Variants in LRFN5 observed in about 807,000 individuals in gnomAD.
LRFN5 encodes leucine-rich repeat and fibronectin type-III domain-containing protein 5.
Under a neutral mutation model 45.6 loss-of-function variants are expected in LRFN5, and 24 were observed. The ratio of observed to expected loss-of-function variants is 0.53; its 90% CI spans 0.38 to 0.74. The LOEUF (loss-of-function observed/expected upper bound fraction) is 0.74. LRFN5 is among the 30% of genes least tolerant of loss of function. The pLI, the probability that LRFN5 is intolerant of heterozygous loss-of-function variation, is 0.00. For missense variants in LRFN5, 776 were observed against 861.5 expected, an observed-to-expected ratio of 0.90 and a Z score of 1.24; for synonymous variants, 340 against 313.8, an observed-to-expected ratio of 1.08 and a Z score of -0.88.
At chr14:41,753,265 A>G (rs565434312) in intron 1 of LRFN5, among the ~76,000 whole-genome samples, 87 of 151,464 alleles carry the variant, frequency 5.7e-4, no homozygotes, top group Non-Finnish European at 1.0e-3. Flanking sequence ...TTTTGGTTCC[A>G]TATGAACTTT....
chr14:41,628,439 C>CA (rs1228648180), intron 1 of LRFN5, among the ~76,000 whole-genome samples: 7 of 151,506 alleles, frequency 4.6e-5, no homozygotes, highest in African/African-American at 1.7e-4. Context: ...TTCATGTCTA[C>CA]AAAAAAAATT....
intron 1 of LRFN5, among the ~76,000 whole-genome samples, chr14:41,737,913 G>T (rs995768627): frequency 6.6e-6 from 1 of 152,028 alleles, no homozygotes; most frequent in Non-Finnish European, 1.5e-5. Flanking sequence ...CATGTAAATG[G>T]TCATACCACC....
At position 41,736,969 on chromosome 14, in the gene LRFN5, A is replaced by G. The variant is rs1049635606; in HGVS notation, c.-196-29885A>G. On this transcript the variant is annotated intron_variant, in intron 1 of 5. Transcript: ENST00000298119. Reference sequence around the variant, plus strand: ...CTTCTGAAACTATTCCAAACAATAGAAAAAAAAAGGAATCCTCTCTAACTC... The same window carrying G: ...CTTCTGAAACTATTCCAAACAATAGGAAAAAAAAGGAATCCTCTCTAACTC... 4.0e-5 allele frequency among the ~76,000 whole-genome samples: 6 copies of G among 151,176 alleles called. No homozygotes were observed. In the South Asian group the frequency reaches 1.3e-3, roughly 32 times the overall value.
At chr14:41,689,832 T>C (rs1403546491) in intron 1 of LRFN5, among the ~76,000 whole-genome samples, 2 of 144,760 alleles carry the variant, frequency 1.4e-5, no homozygotes, top group Non-Finnish European at 3.0e-5. Flanking sequence ...GAGGCGGAGC[T>C]TGCAGTGAGC....
chr14:41,643,868 A>G (rs1879694960), intron 1 of LRFN5, among the ~76,000 whole-genome samples: 1 of 152,128 alleles, frequency 6.6e-6, no homozygotes, highest in Non-Finnish European at 1.5e-5. Context: ...TTTCCTTACA[A>G]TAAACCACTT....
intron 1 of LRFN5, among the ~76,000 whole-genome samples, chr14:41,625,129 G>A (rs1888281519): frequency 6.6e-6 from 1 of 152,048 alleles, no homozygotes; most frequent in Non-Finnish European, 1.5e-5. Flanking sequence ...AATGAGAGAG[G>A]ATAGTACAAT....
intron 2 of LRFN5, among the ~76,000 whole-genome samples, chr14:41,882,736 T>A (rs1232352285): frequency 6.6e-6 from 1 of 152,124 alleles, no homozygotes; most frequent in Non-Finnish European, 1.5e-5. Context: ...CTTAGAAGTT[T>A]GGTAAAATAT....
intron 4 of LRFN5, among the ~76,000 whole-genome samples, chr14:41,895,825 A>G (rs1890920880): frequency 6.6e-6 from 1 of 151,944 alleles, no homozygotes; most frequent in Non-Finnish European, 1.5e-5. Context: ...ATTTTGGAAT[A>G]GAAGTTTTGA....
At chr14:41,729,581 A>G (rs1245751561) in intron 1 of LRFN5, among the ~76,000 whole-genome samples, 4 of 152,124 alleles carry the variant, frequency 2.6e-5, no homozygotes, top group Non-Finnish European at 5.9e-5. Context: ...ATCGTTTCCT[A>G]TTCTATACAG....
At chr14:41,873,409 G>A (rs909237744) in intron 2 of LRFN5, among the ~76,000 whole-genome samples, 3 of 113,318 alleles carry the variant, frequency 2.6e-5, no homozygotes, top group African/African-American at 9.5e-5. Context: ...AGGAGAAAGA[G>A]AGAGAGAGAC....
intron 2 of LRFN5, among the ~76,000 whole-genome samples, chr14:41,810,381 T>G (rs2138989937): frequency 6.6e-6 from 1 of 152,090 alleles, no homozygotes; most frequent in African/African-American, 2.4e-5. Flanking sequence ...GAGGTGCCAG[T>G]TTTTTGGTCA....
At chr14:41,662,934 G>A (rs1880723833) in intron 1 of LRFN5, among the ~76,000 whole-genome samples, 1 of 152,010 alleles carries the variant, frequency 6.6e-6, no homozygotes. Flanking sequence ...TTACATTTAT[G>A]AGTTAGAGTG....
intron 1 of LRFN5, among the ~76,000 whole-genome samples, chr14:41,633,740 C>T (rs776907104): frequency 5.3e-5 from 8 of 151,972 alleles, no homozygotes; most frequent in South Asian, 2.1e-4. Flanking sequence ...TAAATGTTGC[C>T]TTCTCTAGTT....
At chr14:41,634,968 C>A (rs1190572806) in intron 1 of LRFN5, among the ~76,000 whole-genome samples, 1 of 151,782 alleles carries the variant, frequency 6.6e-6, no homozygotes, top group Admixed American at 6.6e-5. Context: ...TACATTTAAA[C>A]AGTTTTATTT....
rs887572884 is a variant in LRFN5, at chr14:41,733,698, A to T, written c.-196-33156A>T. Reference sequence around the variant, plus strand: ...TTAATAATTGTAACTCCACTTTTTGATTTCTCCATGATTTAGTCATGAATA... The same window carrying T: ...TTAATAATTGTAACTCCACTTTTTGTTTTCTCCATGATTTAGTCATGAATA... On this transcript the variant is annotated intron_variant, in intron 1 of 5. Coordinates refer to ENST00000298119, the MANE Select transcript of LRFN5 (RefSeq NM_152447.5). 3 of 152,076 alleles carry T rather than the reference A, an allele frequency of 2.0e-5. No homozygotes were observed. The East Asian group carries it at 5.8e-4, about 29-fold the overall frequency. The allele number at this position is 152,076 out of a possible 1,614,324, so 9.4% of individuals were successfully genotyped here.
At chr14:41,875,584 C>T (rs1312592051) in intron 2 of LRFN5, among the ~76,000 whole-genome samples, 1 of 152,158 alleles carries the variant, frequency 6.6e-6, no homozygotes, top group African/African-American at 2.4e-5. Context: ...ATCACTCTCT[C>T]TTGTATGAGG....
intron 1 of LRFN5, among the ~76,000 whole-genome samples, chr14:41,715,050 C>T (rs1392220467): frequency 6.6e-6 from 1 of 151,988 alleles, no homozygotes; most frequent in Non-Finnish European, 1.5e-5. Context: ...TATGCAGAGG[C>T]AGGCAGATTT....
At chr14:41,812,465 G>A (rs1238256303) in intron 2 of LRFN5, among the ~76,000 whole-genome samples, 2 of 151,476 alleles carry the variant, frequency 1.3e-5, no homozygotes, top group Non-Finnish European at 2.9e-5. Context: ...TACCTTCTGG[G>A]GGTACTGATT....
At chr14:41,622,184 C>T (rs1025252800) in intron 1 of LRFN5, among the ~76,000 whole-genome samples, 1 of 151,004 alleles carries the variant, frequency 6.6e-6, no homozygotes, top group African/African-American at 2.4e-5. Context: ...TTTTTCTGTC[C>T]CCCATGTGAA....
Sources: allele counts gnomAD v4.1 joint callset (sites outside exome capture counted in the v4.1 genomes callset), GRCh38; gene constraint gnomAD v4.1.1; transcripts MANE v1.5; gene names NCBI Gene and HGNC (gene_info 2026-07-23, HGNC 2026-07-21).